Variants in HEATR1 observed in about 807,000 individuals in gnomAD.
The protein encoded by HEATR1 is HEAT repeat-containing protein 1.
Under a neutral mutation model 248.2 loss-of-function variants are expected in HEATR1, and 77 were observed. The observed-to-expected ratio is 0.31, with a 90% CI of 0.26 to 0.37. The LOEUF is 0.37. Ranked by LOEUF, HEATR1 falls within the 10% of genes least tolerant of loss-of-function variation. The pLI is 1.00. For synonymous variants in HEATR1, 897 were observed against 923.1 expected (o/e 0.97, Z 0.51); for missense variants, 2,420 against 2,504.9 (o/e 0.97, Z 0.72).
intron 3 of HEATR1, among the ~76,000 whole-genome samples, chr1:236,601,679 A>AAC (rs72093522): frequency 3.9e-5 from 1 of 25,832 alleles, no homozygotes; most frequent in Non-Finnish European, 1.8e-4. Context: ...CAAACAAACA[A>AAC]AAAAAAAACT....
rs763242542 is a variant in HEATR1, at chr1:236,603,297, T to C, written c.222A>G (p.Ala74=). 1.2e-6 allele frequency: 2 copies of C among 1,614,196 alleles called. No homozygotes were observed. Among genetic ancestry groups the C allele is most frequent in the African/African-American group, 2.7e-5 (2 of 75,058 alleles). ...TCTGAACACTTCGCTCCAAGGTTTT[T>C]GCTAGCTGACTGAACAACGGTGCTT... ...QFEAPLFSQL[A]KTLERSVQTK... The change falls in exon 3 of 45, where the codon GCA becomes GCG. Residue 74 remains alanine, a synonymous_variant. Transcript: ENST00000366582.
chr1:236,566,510 T>C (rs547647343), intron 30 of HEATR1, 136 bp downstream of exon 30: 265 of 696,534 alleles, frequency 3.8e-4, no homozygotes, highest in Non-Finnish European at 5.4e-4. Flanking sequence ...AAAAACCTTT[T>C]TGAAAAAGGT....
rs534485554 is a variant in HEATR1, at chr1:236,553,185, T to C, written c.6237+396A>G. Among the ~76,000 whole-genome samples, 8 of 152,340 alleles carry C rather than the reference T, an allele frequency of 5.3e-5. No individual in the cohort carries two copies. In the East Asian group the frequency reaches 1.5e-3, roughly 29 times the overall value. On this transcript the variant is annotated intron_variant, in intron 43 of 44. Coordinates refer to ENST00000366582, the MANE Select transcript of HEATR1 (RefSeq NM_018072.6). ...TAGTATCTATAAACAACAGAATGTA[T>C]TGCTCTAACTCAAAAGACTATAGTG...
Position 236,555,806 on chromosome 1 carries a change from T to G in HEATR1, c.5648A>C (p.Glu1883Ala). 6.2e-7 allele frequency: 1 copy of G among 1,614,146 alleles called. No individual in the cohort carries two copies. The highest frequency in any genetic ancestry group is 1.3e-5 in the African/African-American group (1 of 75,044). ...TTGGAGGAGTGAACCTGAGCTTACC[T>G]CAGAGTGCTGGGCTCGGAAGTCCAG... ...EALDFRAQHS[E>A]NDLEEVGKTE... The change falls in exon 39 of 45, where the codon GAG (glutamate) becomes GCG (alanine). Residue 1883 changes from glutamate to alanine, a missense_variant and splice_region_variant. Transcript: ENST00000366582.
Position 236,592,453 on chromosome 1 carries a change from G to C in HEATR1, c.1304+70C>G, listed in dbSNP as rs1330069217. On this transcript the variant is annotated intron_variant, in intron 10 of 44. Transcript: ENST00000366582. ...TGTACAATTCAGTATATTAAGATGT[G>C]ACTTGTGAATCATATCTTTATAGAA... is the stretch of plus-strand genomic sequence containing the variant. 13 of 719,242 alleles carry C rather than the reference G, an allele frequency of 1.8e-5. No homozygotes were observed. In the Admixed American group the frequency reaches 2.9e-4, roughly 16 times the overall value. 44.6% of individuals were successfully genotyped at this position (719,242 alleles called of 1,614,324 possible). A position where few individuals can be genotyped will look rare whatever the true frequency, so the allele number is the denominator to read the frequency against.
intron 17 of HEATR1, among the ~76,000 whole-genome samples, chr1:236,583,669 T>C (rs535014904): frequency 1.3e-5 from 2 of 152,074 alleles, no homozygotes; most frequent in Admixed American, 6.5e-5. Flanking sequence ...GTATCTTTAG[T>C]AGAGATTAGG....
chr1:236,553,678 G>C lies in HEATR1; in HGVS notation c.6140C>G (p.Pro2047Arg), dbSNP rs1484107335. ...FQERVTKHLI[P>R]CIAQFSVAMA... ...GGCCACCGAAAACTGTGCGATGCAT[G>C]GTATCAGGTGCTTTGTCACCCGTTC... The change falls in exon 43 of 45, where the codon CCA becomes CGA. Residue 2047 changes from proline (P) to arginine (R), a missense_variant. Physicochemically the swap from Pro to Arg is moderately radical, Grantham distance 103. Coordinates refer to ENST00000366582, the MANE Select transcript of HEATR1 (RefSeq NM_018072.6). The C allele has an allele frequency of 6.2e-7, 1 of 1,613,846 alleles. No individual in the cohort carries two copies. Among genetic ancestry groups the C allele is most frequent in the African/African-American group, 1.3e-5 (1 of 75,004 alleles).
At position 236,550,896 on chromosome 1, in the gene HEATR1, A is replaced by G; in HGVS notation, c.*6T>C. On this transcript the variant is annotated 3_prime_UTR_variant, in exon 45 of 45. Coordinates refer to ENST00000366582, the MANE Select transcript of HEATR1 (RefSeq NM_018072.6). Reference sequence around the variant, plus strand: ...CTGAGTAGAGTATGAAACACCACAGAAAGTCTTAGAAATAGCTCTGGAGTG... The same window carrying G: ...CTGAGTAGAGTATGAAACACCACAGGAAGTCTTAGAAATAGCTCTGGAGTG... 1 of 1,590,028 alleles carries G rather than the reference A, an allele frequency of 6.3e-7. No homozygotes were observed. Among genetic ancestry groups the G allele is most frequent in the Non-Finnish European group, 8.5e-7 (1 of 1,170,608 alleles).
rs1664166779 is a variant in HEATR1 at position 236,595,940 on chromosome 1, T to C, written c.849A>G (p.Ala283=). ...TMENTFVNSL[A]SQIIKTLTKI... is the part of the protein sequence containing the mutation. ...TGGTCAATGTTTTGATGATCTGTGATGCCAATGAATTCACAAAGGTATTTT... is the reference window on the plus strand; with the variant it reads ...TGGTCAATGTTTTGATGATCTGTGACGCCAATGAATTCACAAAGGTATTTT... The change falls in exon 7 of 45, where the codon GCA becomes GCG. Residue 283 remains alanine (A), a synonymous_variant. Transcript: ENST00000366582. 6.2e-7 allele frequency: 1 copy of C among 1,613,764 alleles called. No homozygotes were observed.
rs1194643234 is a variant in HEATR1, at chr1:236,558,392, T to C, written c.5049A>G (p.Ala1683=). 5 of 1,614,108 alleles carry C rather than the reference T, an allele frequency of 3.1e-6. No individual in the cohort carries two copies. Among genetic ancestry groups the C allele is most frequent in the Non-Finnish European group, 4.2e-6 (5 of 1,180,032 alleles). Residue 1683 remains alanine, a synonymous_variant, in exon 36 of 45, where the codon GCA becomes GCG. Transcript: ENST00000366582. ...TLKLLCKNFG[A]ENPDPFVPVL... ...CTGGGACAAAAGGATCTGGATTTTC[T>C]GCACCAAAATTCTTGCATAAAAGCT...
rs772043034 is a variant in HEATR1, at chr1:236,595,627, G to A, written c.1003C>T (p.His335Tyr). 6.2e-7 allele frequency: 1 copy of A among 1,610,694 alleles called. No homozygotes were observed. The highest frequency in any genetic ancestry group is 8.5e-7 in the Non-Finnish European group (1 of 1,176,904). Reference sequence around the variant, plus strand: ...ACATCGTAAGTTTCAGAAATCCCATGAAGTATTGTAATAAGATCAGGAACA... The same window carrying A: ...ACATCGTAAGTTTCAGAAATCCCATAAAGTATTGTAATAAGATCAGGAACA... ...CNVPDLITILHGISETYDVSP... is the reference protein window; with the variant it reads ...CNVPDLITILYGISETYDVSP... Residue 335 changes from histidine (H) to tyrosine (Y), a missense_variant, in exon 8 of 45, where the codon CAT (histidine) becomes TAT (tyrosine). His to Tyr is a moderately conservative substitution (Grantham distance 83, BLOSUM62 2). Transcript: ENST00000366582.
chr1:236,571,596 T>G lies in HEATR1; in HGVS notation c.3798A>C (p.Leu1266=), dbSNP rs61730304. Residue 1266 remains leucine (L), a synonymous_variant, in exon 27 of 45, where the codon CTA becomes CTC. Coordinates refer to ENST00000366582, the MANE Select transcript of HEATR1 (RefSeq NM_018072.6). The stretch of plus-strand genomic sequence containing the variant: ...TGGGTATTTTGCCACCATCTGGAGA[T>G]AGTTTTTGGCAGATGTTGAGCAGAC... ...LSCLLNICQK[L]SPDGGKIPKD... is the part of the protein sequence containing the mutation. 6.2e-7 allele frequency: 1 copy of G among 1,614,002 alleles called. No homozygotes were observed. The highest frequency in any genetic ancestry group is 8.5e-7 in the Non-Finnish European group (1 of 1,179,880).
intron 31 of HEATR1, among the ~76,000 whole-genome samples, chr1:236,565,670 T>TATC (rs1663250128): frequency 6.6e-6 from 1 of 152,220 alleles, no homozygotes; most frequent in African/African-American, 2.4e-5. Context: ...TAACTCATCC[T>TATC]GGATACCAGC....
chr1:236,553,971 C>T (rs1158975519), intron 42 of HEATR1, among the ~76,000 whole-genome samples: 1 of 152,208 alleles, frequency 6.6e-6, no homozygotes, highest in African/African-American at 2.4e-5. Context: ...CAGAGGAGCT[C>T]TTTGCTCCAG....
At chr1:236,569,180 T>C (rs1015130204) in intron 28 of HEATR1, 56 bp from the exon 29 acceptor site, 5 of 1,453,544 alleles carry the variant, frequency 3.4e-6, no homozygotes, top group African/African-American at 1.4e-5. Context: ...CTACTAATTT[T>C]TTTTTCAAGA....
chr1:236,592,620 CT>C lies in HEATR1; in HGVS notation c.1206del (p.Glu403SerfsTer30). The C allele has an allele frequency of 7.3e-7, 1 of 1,362,816 alleles. No homozygotes were observed. Among genetic ancestry groups the C allele is most frequent in the Non-Finnish European group, 1.0e-6 (1 of 975,918 alleles). 84.4% of individuals were successfully genotyped at this position (1,362,816 alleles called of 1,614,324 possible). A position where few individuals can be genotyped will look rare whatever the true frequency, so the allele number is the denominator to read the frequency against. On this transcript the variant is annotated frameshift_variant, in exon 10 of 45. Coordinates refer to ENST00000366582, the MANE Select transcript of HEATR1 (RefSeq NM_018072.6). LOFTEE classifies it high-confidence loss of function. ...TCCTGTGAACTATATGAAATATACTCTTCAAATAGAAGGCTGTAAAAAAAAA... is the reference window on the plus strand; with the variant it reads ...TCCTGTGAACTATATGAAATATACTCTCAAATAGAAGGCTGTAAAAAAAAA... Reference protein sequence around the residue: ...LDHLLASLLFEEYISYSSQEE... With the variant: ...LDHLLASLLFXEYISYSSQEE...
chr1:236,551,361 AC>A, intron 44 of HEATR1: 1 of 188,298 alleles, frequency 5.3e-6, no homozygotes, highest in Non-Finnish European at 1.1e-5. Flanking sequence ...TTGCTCCACC[AC>A]CCCTCCCTTA....
At chr1:236,556,373 T>C in intron 37 of HEATR1, 115 bp from the exon 38 acceptor site, 4 of 1,069,092 alleles carry the variant, frequency 3.7e-6, no homozygotes, top group Non-Finnish European at 5.5e-6. Context: ...TTAGCACTTT[T>C]TAACTACACA....
At chr1:236,583,276 G>T in intron 17 of HEATR1, 80 bp from the exon 18 acceptor site, 2 of 1,268,944 alleles carry the variant, frequency 1.6e-6, no homozygotes, top group South Asian at 1.7e-5. Context: ...TGCATAATAT[G>T]CAAAAGTTTT....
Sources: gnomAD v4.1 joint callset for allele counts (sites outside exome capture counted in the v4.1 genomes callset) on GRCh38, gnomAD v4.1.1 for gene constraint, MANE v1.5 for transcripts, NCBI Gene and HGNC (gene_info 2026-07-23, HGNC 2026-07-21) for gene names.